REPS2: variants seen among roughly 807,000 people sequenced by gnomAD.
REPS2 encodes the protein RALBP1 associated Eps domain containing 2, also known as ralBP1-associated Eps domain-containing protein 2.
REPS2 carries 23 observed loss-of-function variants against 53.6 expected under a neutral mutation model. The ratio of observed to expected loss-of-function variants is 0.43; its 90% CI spans 0.31 to 0.61. The LOEUF (loss-of-function observed/expected upper bound fraction) is 0.61. Ranked by LOEUF, REPS2 falls within the 20% of genes least tolerant of loss-of-function variation. REPS2 has a pLI of 0.11. For missense variants in REPS2, 446 were observed against 534.9 expected (o/e 0.83, Z 1.64); for synonymous variants, 238 against 218.6 (o/e 1.09, Z -0.78).
intron 7 of REPS2, among the ~76,000 whole-genome samples, chrX:17,053,263 T>C (rs1175795268): frequency 1.8e-5 from 2 of 112,423 alleles, no homozygotes; most frequent in Non-Finnish European, 3.7e-5. Flanking sequence ...CTCATGCATG[T>C]CAATGTATCT....
At chrX:17,176,186 A>G in the REPS2 span, among the ~76,000 whole-genome samples, 2 of 111,528 alleles carry the variant, frequency 1.8e-5, no homozygotes, top group Admixed American at 1.9e-4. Context: ...TGGAGACACT[A>G]TCTCCAGAGC....
At chrX:17,116,954 C>T (rs1467245198) in intron 14 of REPS2, among the ~76,000 whole-genome samples, 3 of 112,250 alleles carry the variant, frequency 2.7e-5, no homozygotes, top group Admixed American at 1.9e-4. Context: ...TCTGCCAGTT[C>T]AGTGGCTGTC....
intron 17 of REPS2, among the ~76,000 whole-genome samples, chrX:17,143,595 T>C (rs2063475158): frequency 9.1e-6 from 1 of 109,399 alleles, no homozygotes; most frequent in African/African-American, 3.3e-5. Context: ...ACTTCTTAGC[T>C]TAGTTCTCTA....
chrX:17,015,196 G>C (rs2061475602), intron 2 of REPS2, among the ~76,000 whole-genome samples: 1 of 112,666 alleles, frequency 8.9e-6, no homozygotes, highest in South Asian at 3.6e-4. Context: ...GCCATGTGTG[G>C]CTATTGAGCA....
chrX:17,064,540 A>G (rs1426220080), intron 9 of REPS2, among the ~76,000 whole-genome samples: 1 of 112,487 alleles, frequency 8.9e-6, no homozygotes, highest in Non-Finnish European at 1.9e-5. Context: ...ACTTATTTCC[A>G]TTAAGAATTA....
At chrX:17,139,736 T>C (rs2063418430) in intron 17 of REPS2, among the ~76,000 whole-genome samples, 1 of 111,202 alleles carries the variant, frequency 9.0e-6, no homozygotes, top group South Asian at 3.9e-4. Flanking sequence ...CCTTGGCTTG[T>C]AGCTGCGTCA....
rs373838317 is a variant in REPS2 at position 17,074,099 on chromosome X, A to G, written c.1334-15A>G. On this transcript the variant is annotated splice_polypyrimidine_tract_variant and intron_variant, in intron 11 of 17. Transcript: ENST00000357277. ...TAACTGCAGAAATGAAACCCAAGCA[A>G]TATCTTTGTTTCAGCAACTCCCAAG... 5.8e-6 allele frequency: 7 copies of G among 1,204,488 alleles called. No homozygotes were observed. In the East Asian group the frequency reaches 1.5e-4, roughly 26 times the overall value.
chrX:17,040,369 T>A (rs1282921924), intron 5 of REPS2, among the ~76,000 whole-genome samples: 2 of 112,413 alleles, frequency 1.8e-5, no homozygotes, highest in East Asian at 5.6e-4. Flanking sequence ...CCTTTCTCTG[T>A]CTCTAGACTG....
chrX:17,048,595 C>A (rs1319646890), intron 6 of REPS2, among the ~76,000 whole-genome samples: 1 of 112,373 alleles, frequency 8.9e-6, no homozygotes, highest in Non-Finnish European at 1.9e-5. Context: ...CACATAGCCC[C>A]AATGATTTTC....
chrX:17,131,563 G>C (rs2063292225), intron 14 of REPS2, among the ~76,000 whole-genome samples: 1 of 112,037 alleles, frequency 8.9e-6, no homozygotes, highest in South Asian at 3.7e-4. Context: ...GTGTCAGTAT[G>C]ATGTAGAAGT....
chrX:17,071,675 T>G (rs1207444087), intron 11 of REPS2, among the ~76,000 whole-genome samples: 1 of 111,509 alleles, frequency 9.0e-6, no homozygotes, highest in African/African-American at 3.3e-5. Context: ...GACACAAGCG[T>G]TTCAAGGTGG....
intron 2 of REPS2, among the ~76,000 whole-genome samples, chrX:17,018,697 C>A (rs1304834037): frequency 1.8e-5 from 2 of 108,498 alleles, no homozygotes; most frequent in African/African-American, 6.7e-5. Context: ...AACATGAGTT[C>A]TCTGCCCAGC....
At chrX:17,027,171 G>T (rs1284231551) in intron 4 of REPS2, among the ~76,000 whole-genome samples, 1 of 111,319 alleles carries the variant, frequency 9.0e-6, no homozygotes, top group Non-Finnish European at 1.9e-5. Context: ...ATCAGTAATT[G>T]AACATATCCA....
Position 16,951,332 on chromosome X carries a change from C to A in REPS2, c.273+4198C>A, listed in dbSNP as rs186182717. Among the ~76,000 whole-genome samples, 14 of 111,471 alleles carry A rather than the reference C, an allele frequency of 1.3e-4. No homozygotes were observed. The East Asian group carries it at 2.8e-3, about 22-fold the overall frequency. The stretch of plus-strand genomic sequence containing the variant: ...ATCCTGCTCTTAAAATAAGTCAGCA[C>A]AGGGAAATAAATACTCTATAAAGAG... On this transcript the variant is annotated intron_variant, in intron 1 of 17. Coordinates refer to ENST00000357277, the MANE Select transcript of REPS2 (RefSeq NM_004726.3).
At chrX:17,135,491 C>A in intron 16 of REPS2, 85 bp downstream of exon 16, 1 of 1,002,955 alleles carries the variant, frequency 1.0e-6, no homozygotes, top group Non-Finnish European at 1.4e-6. Context: ...CATTTACGTG[C>A]GCACCAACAG....
intron 1 of REPS2, among the ~76,000 whole-genome samples, chrX:16,948,915 A>C (rs2060473595): frequency 8.9e-6 from 1 of 112,274 alleles, no homozygotes; most frequent in South Asian, 3.7e-4. Flanking sequence ...CTAGCAAAGC[A>C]AAACACATCA....
intron 13 of REPS2, chrX:17,100,210 C>A: frequency 1.7e-6 from 1 of 594,851 alleles, no homozygotes; most frequent in South Asian, 2.4e-5. Flanking sequence ...GGAGGTACTC[C>A]ACTTTGCCCT....
chrX:17,052,187 A>G (rs1380615984), intron 6 of REPS2, among the ~76,000 whole-genome samples, 195 bp from the exon 7 acceptor site: 2 of 112,056 alleles, frequency 1.8e-5, no homozygotes, highest in Non-Finnish European at 3.8e-5. Context: ...CCCTATTGTA[A>G]TTTACATATT....
intron 3 of REPS2, among the ~76,000 whole-genome samples, chrX:17,024,260 C>A (rs929810726): frequency 2.7e-5 from 3 of 110,148 alleles, no homozygotes. Flanking sequence ...GTGCCCCAGC[C>A]TGGGTGACAG....
Sources: allele counts gnomAD v4.1 joint callset (sites outside exome capture counted in the v4.1 genomes callset), GRCh38; gene constraint gnomAD v4.1.1; transcripts MANE v1.5; gene names NCBI Gene and HGNC (gene_info 2026-07-23, HGNC 2026-07-21).